DNAI7: variants seen among roughly 807,000 people sequenced by gnomAD.
DNAI7 encodes cancer susceptibility 1.
Under a neutral mutation model 86.6 loss-of-function variants are expected in DNAI7, and 78 were observed. The observed-to-expected ratio is 0.90, with a 90% CI of 0.75 to 1.09. The LOEUF (loss-of-function observed/expected upper bound fraction) is 1.09. DNAI7 is among the 50% of genes least tolerant of loss of function. The pLI, the probability that DNAI7 is intolerant of heterozygous loss-of-function variation, is 0.00. For missense variants in DNAI7, 753 were observed against 810.2 expected (o/e 0.93, Z 0.86); for synonymous variants, 274 against 273.0 (o/e 1.00, Z -0.04).
At chr12:25,158,339 T>C (rs1946444111) in intron 4 of DNAI7, 133 bp downstream of exon 4, 8 of 658,464 alleles carry the variant, frequency 1.2e-5, no homozygotes, top group Non-Finnish European at 1.8e-5. Flanking sequence ...ATGTCACTTA[T>C]TCTATGGTAC....
intron 3 of DNAI7, among the ~76,000 whole-genome samples, chr12:25,160,607 C>T (rs11047869): frequency 0.081 from 12,255 of 152,210 alleles, 1,516 homozygotes; most frequent in African/African-American, 0.27. Context: ...GGGAATGACA[C>T]AGTAGCAGGG....
At chr12:25,170,037 A>C (rs1947960420) in intron 2 of DNAI7, among the ~76,000 whole-genome samples, 2 of 152,052 alleles carry the variant, frequency 1.3e-5, no homozygotes, top group Middle Eastern at 3.2e-3. Flanking sequence ...CATCAGACAA[A>C]ATAAACTTTA....
intron 9 of DNAI7, among the ~76,000 whole-genome samples, chr12:25,127,688 A>G (rs1298325176): frequency 2.6e-5 from 4 of 152,238 alleles, no homozygotes; most frequent in African/African-American, 9.6e-5. Flanking sequence ...GTCATGGGAC[A>G]CTAGCAAATA....
chr12:25,127,802 G>A (rs1942359432), intron 9 of DNAI7, among the ~76,000 whole-genome samples: 1 of 152,068 alleles, frequency 6.6e-6, no homozygotes, highest in Non-Finnish European at 1.5e-5. Flanking sequence ...TCATTAATAG[G>A]TGGATCAATA....
chr12:25,184,536 G>A (rs1490353601), intron 2 of DNAI7, among the ~76,000 whole-genome samples: 1 of 152,072 alleles, frequency 6.6e-6, no homozygotes, highest in Non-Finnish European at 1.5e-5. Flanking sequence ...GAACATCTGG[G>A]TTGTTTGTTG....
At chr12:25,118,150 C>A (rs1039871101) in intron 12 of DNAI7, among the ~76,000 whole-genome samples, 5 of 151,776 alleles carry the variant, frequency 3.3e-5, no homozygotes, top group African/African-American at 1.2e-4. Flanking sequence ...GCCAGGCTCT[C>A]TCGAACTCCT....
At position 25,108,585 on chromosome 12, in the gene DNAI7, T is replaced by A. The variant is rs774101251; in HGVS notation, c.2132A>T (p.His711Leu). 9 of 1,613,868 alleles carry A rather than the reference T, an allele frequency of 5.6e-6. No homozygotes were observed. The Admixed American group carries it at 1.5e-4, about 27-fold the overall frequency. Residue 711 changes from histidine (H) to leucine (L), a missense_variant, in exon 16 of 16, where the codon CAC (histidine) becomes CTC (leucine). His to Leu is a moderately conservative substitution (Grantham distance 99, BLOSUM62 -3). Coordinates refer to ENST00000395987, the MANE Select transcript of DNAI7 (RefSeq NM_018272.5). ...SNCQFVNSVCHMLLSTRLLSY... is the reference protein window; with the variant it reads ...SNCQFVNSVCLMLLSTRLLSY... Reference sequence around the variant, plus strand: ...GAGCAATCTGGTAGAGAGCAGCATGTGGCACACAGAGTTGACAAACTGACA... The same window carrying A: ...GAGCAATCTGGTAGAGAGCAGCATGAGGCACACAGAGTTGACAAACTGACA...
At chr12:25,185,766 C>G (rs1188003029) in intron 2 of DNAI7, 26 of 984,126 alleles carry the variant, frequency 2.6e-5, no homozygotes, top group Non-Finnish European at 3.1e-5. Context: ...CCACTGAAGC[C>G]TGTTTGTGAT....
chr12:25,114,048 C>T (rs979315418), intron 13 of DNAI7, among the ~76,000 whole-genome samples: 1 of 145,226 alleles, frequency 6.9e-6, no homozygotes, highest in African/African-American at 2.6e-5. Context: ...CAGGTTCAAG[C>T]GATTCTTTTG....
At chr12:25,130,978 A>G (rs1942836671) in intron 9 of DNAI7, among the ~76,000 whole-genome samples, 1 of 152,134 alleles carries the variant, frequency 6.6e-6, no homozygotes, top group Admixed American at 6.5e-5. Context: ...AAAATACTAA[A>G]TACTTGTTAT....
At chr12:25,175,821 T>C (rs1350516468) in intron 2 of DNAI7, among the ~76,000 whole-genome samples, 1 of 151,902 alleles carries the variant, frequency 6.6e-6, no homozygotes. Context: ...GGCTCACACC[T>C]GTAATCCCAG....
At position 25,147,054 on chromosome 12, in the gene DNAI7, A is replaced by C. The variant is rs756300501; in HGVS notation, c.636T>G (p.Ile212Met). ...CATACAGAGTAACATTTTCATCTTT[A>C]ATGACTTTTTCCATATTTCCACTGT... ...DLDSGNMEKV[I>M]KDENVTLYVW... The change falls in exon 8 of 16, where the codon ATT becomes ATG. Residue 212 changes from isoleucine to methionine, a missense_variant. Coordinates refer to ENST00000395987, the MANE Select transcript of DNAI7 (RefSeq NM_018272.5). 9.9e-6 allele frequency: 16 copies of C among 1,609,778 alleles called. No homozygotes were observed. Among genetic ancestry groups the C allele is most frequent in the African/African-American group, 1.3e-5 (1 of 74,974 alleles).
At chr12:25,156,400 T>C (rs1946176572) in intron 4 of DNAI7, among the ~76,000 whole-genome samples, 1 of 152,188 alleles carries the variant, frequency 6.6e-6, no homozygotes, top group South Asian at 2.1e-4. Flanking sequence ...CAGGCAAAAA[T>C]TCAAATTTTA....
intron 2 of DNAI7, among the ~76,000 whole-genome samples, chr12:25,161,905 ACTC>A (rs936514897): frequency 3.3e-5 from 5 of 152,032 alleles, no homozygotes; most frequent in African/African-American, 1.2e-4. Context: ...GAAATGGAAA[ACTC>A]CTAAAAGTTT....
Position 25,182,765 on chromosome 12 carries a change from A to T in DNAI7, c.21+7849T>A, listed in dbSNP as rs567580028. On this transcript the variant is annotated intron_variant, in intron 2 of 15. Coordinates refer to ENST00000395987, the MANE Select transcript of DNAI7 (RefSeq NM_018272.5). ...TAGAATGATCTCATCTCTAAAAAAA[A>T]TTTTTTTAATTAGCTAGATGTGGTG... Among the ~76,000 whole-genome samples the T allele has an allele frequency of 6.2e-4, 94 of 151,504 alleles. 1 individual carries two copies. Among genetic ancestry groups the T allele is most frequent in the African/African-American group, 1.8e-3 (74 of 41,184 alleles).
At chr12:25,122,949 CGTT>C (rs1247826366) in intron 10 of DNAI7, among the ~76,000 whole-genome samples, 2 of 152,022 alleles carry the variant, frequency 1.3e-5, no homozygotes, top group African/African-American at 2.4e-5. Flanking sequence ...GTATGTAACA[CGTT>C]GTTAGGTGGG....
intron 13 of DNAI7, among the ~76,000 whole-genome samples, chr12:25,113,308 G>GTT (rs1176436174): frequency 1.4e-5 from 2 of 141,116 alleles, no homozygotes; most frequent in East Asian, 2.0e-4. Flanking sequence ...TGTTGTTGTT[G>GTT]TTGTTGTTTT....
At chr12:25,194,929 G>A (rs1343027464) in intron 1 of DNAI7, 147 bp downstream of exon 1, 3 of 1,614,086 alleles carry the variant, frequency 1.9e-6, no homozygotes, top group Non-Finnish European at 2.5e-6. Flanking sequence ...CTGAGAAGAG[G>A]GCCGACCCAC....
At chr12:25,177,995 C>T (rs189825939) in intron 2 of DNAI7, among the ~76,000 whole-genome samples, 157 of 152,266 alleles carry the variant, frequency 1.0e-3, no homozygotes, top group Middle Eastern at 6.8e-3. Flanking sequence ...TGAATTGTGT[C>T]ATGATTTATT....
Sources: gnomAD v4.1 joint callset for allele counts (sites outside exome capture counted in the v4.1 genomes callset) on GRCh38, gnomAD v4.1.1 for gene constraint, MANE v1.5 for transcripts, NCBI Gene and HGNC (gene_info 2026-07-23, HGNC 2026-07-21) for gene names.